DLG2: variants seen among roughly 807,000 people sequenced by gnomAD.
The protein encoded by DLG2 is disks large homolog 2.
A neutral mutation model predicts 132.5 loss-of-function variants in DLG2; 45 were observed. That is an observed-to-expected ratio of 0.34 (90% CI 0.27 to 0.44). The LOEUF is 0.44. Among genes scored for constraint, DLG2 ranks in the 20% least tolerant of loss-of-function variants. DLG2 has a pLI of 1.00. For missense variants in DLG2, 1,045 were observed against 1,196.9 expected (o/e 0.87, Z 1.87); for synonymous variants, 424 against 419.6 (o/e 1.01, Z -0.13).
chr11:84,311,449 T>A (rs1225984037), intron 7 of DLG2, among the ~76,000 whole-genome samples: 1 of 152,178 alleles, frequency 6.6e-6, no homozygotes, highest in Non-Finnish European at 1.5e-5. Context: ...AAATGAGGCT[T>A]AGAGAGGTTA....
At chr11:85,326,419 A>C (rs1160772410) in intron 3 of DLG2, among the ~76,000 whole-genome samples, 3,702 of 115,002 alleles carry the variant, frequency 0.032, 101 homozygotes, top group Admixed American at 0.044. Context: ...CTAACAGCGG[A>C]TCTCTCGGCA....
intron 3 of DLG2, among the ~76,000 whole-genome samples, chr11:85,448,367 TTGAGA>T (rs1303783271): frequency 6.6e-6 from 1 of 152,096 alleles, no homozygotes; most frequent in East Asian, 1.9e-4. Flanking sequence ...AGCAGAGACC[TTGAGA>T]TAAGATTTGG....
intron 6 of DLG2, among the ~76,000 whole-genome samples, chr11:84,584,497 T>C (rs962577675): frequency 1.3e-5 from 2 of 151,174 alleles, no homozygotes; most frequent in Non-Finnish European, 2.9e-5. Context: ...CAGGTGGGTG[T>C]CACCATGCCT....
At chr11:85,409,342 C>A (rs2089096237) in intron 3 of DLG2, among the ~76,000 whole-genome samples, 1 of 151,826 alleles carries the variant, frequency 6.6e-6, no homozygotes, top group Non-Finnish European at 1.5e-5. Context: ...GCTATCTGGG[C>A]TCAAAGGCAT....
At chr11:84,948,693 C>A (rs780093966) in intron 6 of DLG2, among the ~76,000 whole-genome samples, 3 of 152,082 alleles carry the variant, frequency 2.0e-5, no homozygotes, top group Admixed American at 6.5e-5. Context: ...TCTTTTTTGG[C>A]CACCAATATA....
chr11:84,493,225 G>A (rs2099169867), intron 7 of DLG2, among the ~76,000 whole-genome samples: 1 of 152,130 alleles, frequency 6.6e-6, no homozygotes. Flanking sequence ...GACTCATTGG[G>A]TAGTTTTACT....
chr11:84,090,244 T>C (rs1290744109), intron 10 of DLG2, among the ~76,000 whole-genome samples: 1 of 151,648 alleles, frequency 6.6e-6, no homozygotes, highest in East Asian at 1.9e-4. Context: ...TGAAACCCCG[T>C]CTCTACTAAA....
chr11:84,992,504 T>C (rs981460906), intron 6 of DLG2, among the ~76,000 whole-genome samples: 7 of 152,190 alleles, frequency 4.6e-5, no homozygotes, highest in African/African-American at 7.2e-5. Flanking sequence ...ATTTAAACCA[T>C]AGGGCTCCAT....
At chr11:84,584,797 T>G (rs936779093) in intron 6 of DLG2, among the ~76,000 whole-genome samples, 42 of 142,676 alleles carry the variant, frequency 2.9e-4, no homozygotes, top group African/African-American at 1.1e-3. Context: ...CACGCCATTC[T>G]CCTGCCTCAG....
chr11:85,103,789 C>T (rs917939167), intron 6 of DLG2, among the ~76,000 whole-genome samples: 1 of 151,804 alleles, frequency 6.6e-6, no homozygotes, highest in Non-Finnish European at 1.5e-5. Context: ...AGATAACCCA[C>T]AGAACAGGAG....
At chr11:84,599,638 T>C (rs558725479) in intron 6 of DLG2, among the ~76,000 whole-genome samples, 1 of 152,294 alleles carries the variant, frequency 6.6e-6, no homozygotes, top group South Asian at 2.1e-4. Flanking sequence ...TTCTCAGCTT[T>C]TACCAGAGCT....
chr11:83,484,501 G>A (rs2093371049), intron 21 of DLG2, among the ~76,000 whole-genome samples: 1 of 96,766 alleles, frequency 1.0e-5, no homozygotes, highest in Non-Finnish European at 2.2e-5. Flanking sequence ...AGAAGGAGAA[G>A]ACCCAGAATT....
At chr11:84,844,034 T>C (rs1243848850) in intron 6 of DLG2, among the ~76,000 whole-genome samples, 2 of 146,932 alleles carry the variant, frequency 1.4e-5, no homozygotes, top group Admixed American at 6.9e-5. Context: ...TTTATGTATA[T>C]GTACGTCTGT....
rs1555110160 is a variant in DLG2 at position 84,626,847 on chromosome 11, A to ATATTTTATTTTATTTTATTT, written c.358-92136_358-92117dup. Among the ~76,000 whole-genome samples the ATATTTTATTTTATTTTATTT allele has an allele frequency of 4.6e-3, 669 of 144,090 alleles. 10 individuals carry two copies. Among genetic ancestry groups the ATATTTTATTTTATTTTATTT allele is most frequent in the African/African-American group, 0.017 (637 of 38,532 alleles). The allele number at this position is 144,090 out of a possible 152,430, so 94.5% of individuals were successfully genotyped here. A position where few individuals can be genotyped will look rare whatever the true frequency, so the allele number is the denominator to read the frequency against. On this transcript the variant is annotated intron_variant, in intron 6 of 27. Transcript: ENST00000376104. ...GGAAGCCAAGTGGCTCATCAATTAC[A>ATATTTTATTTTATTTTATTT]TATTTTATTTTATTTTATTTTATTT... is the stretch of plus-strand genomic sequence containing the variant.
chr11:84,988,440 A>G (rs1256069000), intron 6 of DLG2, among the ~76,000 whole-genome samples: 1 of 152,222 alleles, frequency 6.6e-6, no homozygotes, highest in African/African-American at 2.4e-5. Flanking sequence ...AAAATTTGCA[A>G]TTGCAAAAAT....
chr11:84,532,653 G>T (rs1307571146), intron 7 of DLG2, among the ~76,000 whole-genome samples: 1 of 151,976 alleles, frequency 6.6e-6, no homozygotes, highest in Non-Finnish European at 1.5e-5. Context: ...ATGCCACCTC[G>T]CTTGGCTAAT....
Position 83,598,306 on chromosome 11 carries a change from G to A in DLG2, c.1940+34905C>T, listed in dbSNP as rs554993032. On this transcript the variant is annotated intron_variant, in intron 19 of 27. Coordinates refer to ENST00000376104, the MANE Select transcript of DLG2 (RefSeq NM_001142699.3). Reference sequence around the variant, plus strand: ...ATCGTCTACTCATTCCCAGCAAAACGTTTCAGAAACTCCTGAGCACCATCT... The same window carrying A: ...ATCGTCTACTCATTCCCAGCAAAACATTTCAGAAACTCCTGAGCACCATCT... Among the ~76,000 whole-genome samples the A allele has an allele frequency of 1.1e-4, 16 of 152,284 alleles. No homozygotes were observed. The East Asian group carries it at 3.1e-3, about 29-fold the overall frequency.
chr11:84,025,766 A>G (rs554323187), intron 11 of DLG2, among the ~76,000 whole-genome samples: 71 of 152,238 alleles, frequency 4.7e-4, no homozygotes, highest in Admixed American at 1.2e-3. Flanking sequence ...ATTTTTTACC[A>G]TATACCATAA....
intron 15 of DLG2, among the ~76,000 whole-genome samples, chr11:83,890,878 T>C (rs1049937039): frequency 6.6e-6 from 1 of 152,044 alleles, no homozygotes; most frequent in Non-Finnish European, 1.5e-5. Context: ...GGCAATTGCA[T>C]GTGGTGTGTG....
Sources: gnomAD v4.1 joint callset for allele counts (sites outside exome capture counted in the v4.1 genomes callset) on GRCh38, gnomAD v4.1.1 for gene constraint, MANE v1.5 for transcripts, NCBI Gene and HGNC (gene_info 2026-07-23, HGNC 2026-07-21) for gene names.